The following KIAA1217 variants were observed in gnomAD, a reference collection of about 807,000 sequenced individuals.
KIAA1217 encodes the protein sickle tail protein homolog.
In KIAA1217, 88 loss-of-function variants were observed where a neutral mutation model predicts 163.9. The observed-to-expected ratio is 0.54, with a 90% CI of 0.45 to 0.64. KIAA1217 has a LOEUF of 0.64. Among genes scored for constraint, KIAA1217 ranks in the 30% least tolerant of loss-of-function variants. The pLI, the probability that KIAA1217 is intolerant of heterozygous loss-of-function variation, is 0.00. For missense variants in KIAA1217, 2,372 were observed against 2,475.0 expected (o/e 0.96, Z 0.88); for synonymous variants, 903 against 923.1 (o/e 0.98, Z 0.39).
At chr10:23,737,481 C>A (rs1044598725) in intron 1 of KIAA1217, among the ~76,000 whole-genome samples, 1 of 151,992 alleles carries the variant, frequency 6.6e-6, no homozygotes, top group African/African-American at 2.4e-5. Context: ...GTGTGAGTCA[C>A]CCGCACCCGG....
At chr10:23,776,917 C>G (rs772015040) in intron 1 of KIAA1217, among the ~76,000 whole-genome samples, 3 of 151,786 alleles carry the variant, frequency 2.0e-5, no homozygotes, top group Non-Finnish European at 4.4e-5. Context: ...GTCCTGGCCT[C>G]AAGTGCTCCA....
intron 2 of KIAA1217, chr10:24,239,396 C>A: frequency 1.6e-6 from 1 of 631,086 alleles, no homozygotes; most frequent in Non-Finnish European, 2.0e-6. Context: ...GGAAACATTT[C>A]GCTCTGTTTC....
intron 3 of KIAA1217, among the ~76,000 whole-genome samples, chr10:24,398,903 A>G (rs1184895013): frequency 1.3e-5 from 2 of 152,070 alleles, no homozygotes; most frequent in Non-Finnish European, 2.9e-5. Flanking sequence ...AAGTGTTTTT[A>G]TTTATAGGGA....
chr10:24,026,742 A>ATTTTTTTTTTTTTTTTTTTTTTCTT, intron 2 of KIAA1217, among the ~76,000 whole-genome samples: 1 of 70,094 alleles, frequency 1.4e-5, no homozygotes, highest in Admixed American at 1.5e-4. Context: ...TATTTCATTG[A>ATTTTTTTTTTTTTTTTTTTTTTCTT]TTTTTTTTTT....
chr10:24,195,416 T>C (rs1369277531), intron 2 of KIAA1217, among the ~76,000 whole-genome samples: 3 of 152,078 alleles, frequency 2.0e-5, no homozygotes, highest in Non-Finnish European at 2.9e-5. Context: ...ACTCTGCAGG[T>C]TGCCCAAGAC....
chr10:23,929,679 G>A (rs1050078257), intron 1 of KIAA1217, among the ~76,000 whole-genome samples: 3 of 152,174 alleles, frequency 2.0e-5, no homozygotes, highest in Admixed American at 1.3e-4. Context: ...TATCCATGAG[G>A]TATATTTTCT....
At chr10:24,117,174 A>T (rs1469284642) in intron 2 of KIAA1217, among the ~76,000 whole-genome samples, 1 of 151,914 alleles carries the variant, frequency 6.6e-6, no homozygotes, top group Non-Finnish European at 1.5e-5. Context: ...AGTAGCTGGG[A>T]TTACAGGCAT....
intron 17 of KIAA1217, among the ~76,000 whole-genome samples, chr10:24,538,598 A>AAGGAAGGAAAAAGAG (rs1265320466): frequency 8.9e-4 from 67 of 75,166 alleles, no homozygotes; most frequent in South Asian, 2.2e-3. Flanking sequence ...GGAAGGAAGG[A>AAGGAAGGAAAAAGAG]AGGAAGGAAA....
intron 2 of KIAA1217, among the ~76,000 whole-genome samples, chr10:24,054,557 T>A (rs1849748159): frequency 6.6e-6 from 1 of 152,222 alleles, no homozygotes; most frequent in Admixed American, 6.5e-5. Flanking sequence ...GCCAGGGTAT[T>A]CTACGCATTT....
At chr10:24,126,339 A>G (rs565022463) in intron 2 of KIAA1217, among the ~76,000 whole-genome samples, 22 of 152,082 alleles carry the variant, frequency 1.4e-4, no homozygotes, top group African/African-American at 4.6e-4. Context: ...TATAGTTTTT[A>G]TTTCTAGATG....
At chr10:24,136,165 T>C (rs1436694825) in intron 2 of KIAA1217, among the ~76,000 whole-genome samples, 2 of 152,114 alleles carry the variant, frequency 1.3e-5, no homozygotes, top group Non-Finnish European at 2.9e-5. Context: ...TATGGATCCA[T>C]TCGGCATCGG....
chr10:24,394,308 G>C (rs1031510311), intron 3 of KIAA1217, among the ~76,000 whole-genome samples: 1 of 152,136 alleles, frequency 6.6e-6, no homozygotes, highest in Admixed American at 6.5e-5. Flanking sequence ...CTTTTCATTT[G>C]CAGAATTTGC....
At chr10:24,179,366 T>A (rs2066061926) in intron 2 of KIAA1217, among the ~76,000 whole-genome samples, 1 of 152,112 alleles carries the variant, frequency 6.6e-6, no homozygotes, top group African/African-American at 2.4e-5. Flanking sequence ...TGTCTCATGA[T>A]AGACTTCTCA....
chr10:24,321,008 C>A (rs2044073573), intron 2 of KIAA1217, among the ~76,000 whole-genome samples: 1 of 151,364 alleles, frequency 6.6e-6, no homozygotes, highest in Non-Finnish European at 1.5e-5. Flanking sequence ...GATCACACCA[C>A]TGCACTCCAG....
In KIAA1217 at chr10:24,056,518, C is replaced by G. The variant is rs191935515; in HGVS notation, c.-171+49144C>G. On this transcript the variant is annotated intron_variant, in intron 2 of 18. Transcript: ENST00000376462. Reference sequence around the variant, plus strand: ...GGTCTAAAGTTATATTATCATACGACAGGAAAAAAAAAATCCAAAAGCCAA... The same window carrying G: ...GGTCTAAAGTTATATTATCATACGAGAGGAAAAAAAAAATCCAAAAGCCAA... Among the ~76,000 whole-genome samples the G allele has an allele frequency of 1.5e-3, 232 of 151,406 alleles. 1 individual carries two copies. The highest frequency in any genetic ancestry group is 5.5e-3 in the African/African-American group (226 of 41,240).
intron 1 of KIAA1217, among the ~76,000 whole-genome samples, chr10:23,864,337 A>T (rs1840084859): frequency 1.3e-5 from 2 of 152,058 alleles, no homozygotes; most frequent in Admixed American, 1.3e-4. Flanking sequence ...GGACAAGTTA[A>T]TGTTCCTTAG....
At chr10:24,044,855 G>A (rs554464298) in intron 2 of KIAA1217, among the ~76,000 whole-genome samples, 1 of 152,126 alleles carries the variant, frequency 6.6e-6, no homozygotes, top group South Asian at 2.1e-4. Context: ...AGGACTGTAT[G>A]GTCATGGTTA....
chr10:23,764,228 G>T (rs12248129), intron 1 of KIAA1217, among the ~76,000 whole-genome samples: 2,897 of 152,226 alleles, frequency 0.019, 94 homozygotes, highest in African/African-American at 0.066. Context: ...GCTCACCAAA[G>T]AAATGAAAAT....
chr10:24,443,389 C>G (rs78507689), intron 5 of KIAA1217, among the ~76,000 whole-genome samples: 1 of 152,112 alleles, frequency 6.6e-6, no homozygotes, highest in Non-Finnish European at 1.5e-5. Flanking sequence ...CCTTCATTAT[C>G]TCTCTACTGA....
Sources: gnomAD v4.1 joint callset for allele counts (sites outside exome capture counted in the v4.1 genomes callset) on GRCh38, gnomAD v4.1.1 for gene constraint, MANE v1.5 for transcripts, NCBI Gene and HGNC (gene_info 2026-07-23, HGNC 2026-07-21) for gene names.